USP47: variants seen among roughly 807,000 people sequenced by gnomAD.
USP47 encodes the protein ubiquitin specific peptidase 47, also known as ubiquitin carboxyl-terminal hydrolase 47.
USP47 carries 35 observed loss-of-function variants against 165.1 expected under a neutral mutation model. That is an observed-to-expected ratio of 0.21 (90% CI 0.16 to 0.28). The LOEUF is 0.28. USP47 is among the 10% of genes least tolerant of loss of function. USP47 has a pLI of 1.00. For synonymous variants in USP47, 531 were observed against 544.5 expected (o/e 0.98, Z 0.35); for missense variants, 1,277 against 1,607.4 (o/e 0.79, Z 3.52).
rs753189714 is a variant in USP47, at chr11:11,955,177, A to G, written c.3893+13A>G. 2.5e-6 allele frequency: 4 copies of G among 1,606,884 alleles called. No individual in the cohort carries two copies. Among genetic ancestry groups the G allele is most frequent in the South Asian group, 1.1e-5 (1 of 89,560 alleles). On this transcript the variant is annotated intron_variant, in intron 27 of 27. Transcript: ENST00000527733. ...TCATATTTTATAGGTAACATTCACA[A>G]TGTTTTTGTTGCTGTTAGTAATACA... is the stretch of plus-strand genomic sequence containing the variant.
intron 17 of USP47, 56 bp downstream of exon 17, chr11:11,936,566 G>GTTT: frequency 2.3e-5 from 25 of 1,107,446 alleles, no homozygotes; most frequent in South Asian, 9.1e-5. Flanking sequence ...TCATGAGAAA[G>GTTT]TTTTTTTTTT....
chr11:11,897,490 T>C, intron 4 of USP47, 107 bp from the exon 5 acceptor site: 1 of 783,528 alleles, frequency 1.3e-6, no homozygotes, highest in Admixed American at 2.6e-5. Context: ...TCCAAATGAG[T>C]AGTAACTTTA....
chr11:11,870,604 C>T (rs1000770513), intron 1 of USP47, among the ~76,000 whole-genome samples: 5 of 152,106 alleles, frequency 3.3e-5, no homozygotes, highest in South Asian at 2.1e-4. Context: ...ATTATTAAAG[C>T]AATTCCTGGG....
In USP47 at chr11:11,936,287, G is replaced by T. The variant is rs761729744; in HGVS notation, c.1870-16G>T. 3 of 1,450,204 alleles carry T rather than the reference G, an allele frequency of 2.1e-6. No individual in the cohort carries two copies. Among genetic ancestry groups the T allele is most frequent in the East Asian group, 4.7e-5 (2 of 42,292 alleles). The allele number at this position is 1,450,204 out of a possible 1,614,324, so 89.8% of individuals were successfully genotyped here. A position where few individuals can be genotyped will look rare whatever the true frequency, so the allele number is the denominator to read the frequency against. On this transcript the variant is annotated splice_polypyrimidine_tract_variant and intron_variant, in intron 16 of 27. Transcript: ENST00000527733. ...GTATATATATTTTTTCTTTCTGGGG[G>T]ATTACTTTCTTTTAGATGATGGATT... is the stretch of plus-strand genomic sequence containing the variant.
chr11:11,948,047 T>C lies in USP47; in HGVS notation c.3194T>C (p.Val1065Ala). 6.2e-7 allele frequency: 1 copy of C among 1,613,828 alleles called. No individual in the cohort carries two copies. The highest frequency in any genetic ancestry group is 8.5e-7 in the Non-Finnish European group (1 of 1,179,892). ...VLSSHFKVFR[V>A]YASNQEFESV... ...TCCTCTCACTTCAAGGTCTTTCGAG[T>C]GTATGCCAGCAATCAAGAGTTTGAG... Residue 1065 changes from valine (V) to alanine (A), a missense_variant, in exon 21 of 28, where the codon GTG (valine) becomes GCG (alanine). Val to Ala is a moderately conservative substitution (Grantham distance 64, BLOSUM62 0). Around this residue, in one of 4 missense-constraint regions of USP47, gnomAD observed 909 missense variants for 1,068.1 expected, o/e 0.85. Coordinates refer to ENST00000527733, the MANE Select transcript of USP47 (RefSeq NM_001282659.2).
Position 11,880,327 on chromosome 11 carries a change from A to G in USP47, c.190A>G (p.Ile64Val). Residue 64 changes from isoleucine (I) to valine (V), a missense_variant, in exon 2 of 28, where the codon ATA (isoleucine) becomes GTA (valine). Around this residue, in one of 4 missense-constraint regions of USP47, gnomAD observed 181 missense variants for 194.7 expected, o/e 0.93. Transcript: ENST00000527733. ...FEDVANKVGYINGTFDLVWGN... is the reference protein window; with the variant it reads ...FEDVANKVGYVNGTFDLVWGN... ...AGATGTGGCCAACAAAGTAGGCTAC[A>G]TAAATGGAACCTTTGACTTGGTGTG... 4 of 1,381,550 alleles carry G rather than the reference A, an allele frequency of 2.9e-6. No homozygotes were observed. The highest frequency in any genetic ancestry group is 3.7e-6 in the Non-Finnish European group (4 of 1,074,198). 85.6% of individuals were successfully genotyped at this position (1,381,550 alleles called of 1,614,324 possible).
At chr11:11,855,607 G>T (rs1286601873) in intron 1 of USP47, among the ~76,000 whole-genome samples, 2 of 152,160 alleles carry the variant, frequency 1.3e-5, no homozygotes, top group African/African-American at 2.4e-5. Flanking sequence ...CTGTGGTAAG[G>T]TTATAGGTTT....
chr11:11,893,133 T>A (rs565388892), intron 4 of USP47, among the ~76,000 whole-genome samples: 1 of 152,354 alleles, frequency 6.6e-6, no homozygotes, highest in Non-Finnish European at 1.5e-5. Flanking sequence ...ATGGCTTTTT[T>A]ATGCAAAGGT....
At chr11:11,929,345 T>C in intron 11 of USP47, 89 bp from the exon 12 acceptor site, 1 of 1,515,322 alleles carries the variant, frequency 6.6e-7, no homozygotes, top group Non-Finnish European at 8.8e-7. Context: ...ACCATGTTAC[T>C]TCTCTGTGTG....
chr11:11,894,491 C>G lies in USP47; in HGVS notation c.496+2385C>G, dbSNP rs535098328. ...GAAAAATGTAGGTTCCAAGGCATTA[C>G]TTCCCAAAATGCTGATATAGCTGCT... On this transcript the variant is annotated intron_variant, in intron 4 of 27. Transcript: ENST00000527733. Among the ~76,000 whole-genome samples, 3 of 152,230 alleles carry G rather than the reference C, an allele frequency of 2.0e-5. No homozygotes were observed. The South Asian group carries it at 6.2e-4, about 32-fold the overall frequency.
rs1229600518 is a variant in USP47, at chr11:11,880,127, G to A, written c.40-50G>A. The A allele has an allele frequency of 1.6e-6, 2 of 1,259,096 alleles. 1 individual carries two copies. Among genetic ancestry groups the A allele is most frequent in the Admixed American group, 6.6e-5 (2 of 30,376 alleles). 78.0% of individuals were successfully genotyped at this position (1,259,096 alleles called of 1,614,324 possible). A position where few individuals can be genotyped will look rare whatever the true frequency, so the allele number is the denominator to read the frequency against. ...AAATTTTATAGCTAATTATACTTTT[G>A]TTTTGCTTTAAAGATAATATATAAA... On this transcript the variant is annotated intron_variant, in intron 1 of 27. Transcript: ENST00000527733.
intron 8 of USP47, among the ~76,000 whole-genome samples, chr11:11,918,565 A>G (rs975868157): frequency 8.5e-5 from 13 of 152,124 alleles, no homozygotes; most frequent in Non-Finnish European, 1.5e-4. Context: ...TCAAATGGCT[A>G]AAACAAAGAT....
At chr11:11,862,748 G>C (rs1849456699) in intron 1 of USP47, among the ~76,000 whole-genome samples, 1 of 151,816 alleles carries the variant, frequency 6.6e-6, no homozygotes, top group Non-Finnish European at 1.5e-5. Context: ...TTAGAGATAG[G>C]GTCTCGCCAT....
intron 1 of USP47, among the ~76,000 whole-genome samples, chr11:11,850,091 G>GTT (rs1848640829): frequency 6.6e-6 from 1 of 152,016 alleles, no homozygotes. Context: ...GTATTATGTA[G>GTT]TTATATGTCT....
At chr11:11,906,241 G>C (rs975845821) in intron 8 of USP47, among the ~76,000 whole-genome samples, 1 of 152,016 alleles carries the variant, frequency 6.6e-6, no homozygotes, top group Admixed American at 6.6e-5. Flanking sequence ...GACTTAAGTT[G>C]ATATTTAAAA....
At chr11:11,895,220 T>C (rs1480011272) in intron 4 of USP47, among the ~76,000 whole-genome samples, 2 of 152,212 alleles carry the variant, frequency 1.3e-5, no homozygotes, top group African/African-American at 4.8e-5. Context: ...AAAATATTTT[T>C]AGAAGTCTTT....
chr11:11,892,380 CTTTT>C (rs1300802562), intron 4 of USP47, among the ~76,000 whole-genome samples: 1 of 121,148 alleles, frequency 8.3e-6, no homozygotes. Flanking sequence ...TTTTAATTTT[CTTTT>C]TTTTTTTTTT....
chr11:11,858,810 G>C (rs1319617720), intron 1 of USP47, among the ~76,000 whole-genome samples: 1 of 152,116 alleles, frequency 6.6e-6, no homozygotes, highest in African/African-American at 2.4e-5. Flanking sequence ...AAACATTTGG[G>C]TTGTTTCCAG....
intron 11 of USP47, among the ~76,000 whole-genome samples, 174 bp downstream of exon 11, chr11:11,923,065 T>C (rs1175325328): frequency 7.7e-6 from 1 of 129,198 alleles, no homozygotes; most frequent in East Asian, 2.1e-4. Context: ...TATATATATA[T>C]ATATATATAT....
Sources: allele counts gnomAD v4.1 joint callset (sites outside exome capture counted in the v4.1 genomes callset), GRCh38; gene constraint gnomAD v4.1.1; regional missense constraint gnomAD v4.1.1; transcripts MANE v1.5; gene names NCBI Gene and HGNC (gene_info 2026-07-23, HGNC 2026-07-21).